Variants in RBMS3 observed in about 807,000 individuals in gnomAD.
RBMS3 encodes the protein RNA binding motif single stranded interacting protein 3, also known as RNA-binding motif, single-stranded-interacting protein 3.
In RBMS3, 27 loss-of-function variants were observed where a neutral mutation model predicts 66.8. The observed-to-expected ratio is 0.40, with a 90% CI of 0.30 to 0.56. RBMS3 has a LOEUF of 0.56. Ranked by LOEUF, RBMS3 falls within the 20% of genes least tolerant of loss-of-function variation. RBMS3 has a pLI of 0.40. For missense variants in RBMS3, 513 were observed against 549.5 expected, an observed-to-expected ratio of 0.93 and a Z score of 0.66; for synonymous variants, 188 against 183.0, an observed-to-expected ratio of 1.03 and a Z score of -0.22.
chr3:29,347,141 G>C (rs2036625718), intron 1 of RBMS3, among the ~76,000 whole-genome samples: 1 of 152,144 alleles, frequency 6.6e-6, no homozygotes, highest in African/African-American at 2.4e-5. Context: ...TGATGAGAGA[G>C]ACAAATAATG....
chr3:29,555,594 C>T lies in RBMS3; in HGVS notation c.308-31520C>T, dbSNP rs189291107. 2.6e-5 allele frequency among the ~76,000 whole-genome samples: 4 copies of T among 152,242 alleles called. No homozygotes were observed. The East Asian group carries it at 5.8e-4, about 22-fold the overall frequency. On this transcript the variant is annotated intron_variant, in intron 3 of 14. Coordinates refer to ENST00000383767, the MANE Select transcript of RBMS3 (RefSeq NM_001003793.3). ...TGTGAGAAAACAAGGTGCAAGAAATCAAGCCATCAAAATGCAAAATAGAAT... is the reference window on the plus strand; with the variant it reads ...TGTGAGAAAACAAGGTGCAAGAAATTAAGCCATCAAAATGCAAAATAGAAT...
At chr3:29,673,980 T>C (rs1017030145) in intron 4 of RBMS3, among the ~76,000 whole-genome samples, 13 of 152,206 alleles carry the variant, frequency 8.5e-5, no homozygotes, top group Admixed American at 4.6e-4. Context: ...ATATGCCTGA[T>C]GAACATCGAT....
intron 3 of RBMS3, among the ~76,000 whole-genome samples, chr3:29,567,698 C>T (rs994965142): frequency 2.0e-5 from 3 of 151,750 alleles, no homozygotes; most frequent in Non-Finnish European, 4.4e-5. Flanking sequence ...AATCAGCCCT[C>T]GTGCTTATCC....
chr3:29,281,708 A>G lies in RBMS3; in HGVS notation c.27A>G (p.Gln9=). 6.2e-7 allele frequency: 1 copy of G among 1,613,512 alleles called. No individual in the cohort carries two copies. Among genetic ancestry groups the G allele is most frequent in the Non-Finnish European group, 8.5e-7 (1 of 1,179,712 alleles). The change falls in exon 1 of 15, where the codon CAA becomes CAG. Residue 9 remains glutamine, a synonymous_variant. Coordinates refer to ENST00000383767, the MANE Select transcript of RBMS3 (RefSeq NM_001003793.3). Reference sequence around the variant, plus strand: ...TGGGCAAACGCCTGGATCAGCCACAAATGTACCCCCAGTACACTTACTACT... The same window carrying G: ...TGGGCAAACGCCTGGATCAGCCACAGATGTACCCCCAGTACACTTACTACT... MGKRLDQP[Q]MYPQYTYYYP... is the part of the protein sequence containing the mutation.
intron 3 of RBMS3, among the ~76,000 whole-genome samples, chr3:29,514,850 A>C (rs1467948670): frequency 1.3e-5 from 2 of 151,482 alleles, no homozygotes; most frequent in Non-Finnish European, 2.9e-5. Flanking sequence ...AATAGCTAAA[A>C]ATAATACCTA....
At chr3:29,382,047 T>C (rs1409055417) in intron 1 of RBMS3, among the ~76,000 whole-genome samples, 1 of 152,172 alleles carries the variant, frequency 6.6e-6, no homozygotes, top group Non-Finnish European at 1.5e-5. Context: ...TGAGTAAATA[T>C]TGTGAGTAGA....
At chr3:29,994,981 T>C (rs1459532322) in intron 14 of RBMS3, among the ~76,000 whole-genome samples, 6 of 152,256 alleles carry the variant, frequency 3.9e-5, no homozygotes, top group East Asian at 1.9e-4. Context: ...CTCTGAGCTA[T>C]GGGAGGACAT....
At chr3:29,558,152 T>A (rs1281653776) in intron 3 of RBMS3, among the ~76,000 whole-genome samples, 2 of 152,136 alleles carry the variant, frequency 1.3e-5, no homozygotes, top group African/African-American at 4.8e-5. Context: ...AATTCCTCCA[T>A]ATACATACAC....
At chr3:29,461,857 C>T (rs1003381322) in intron 2 of RBMS3, among the ~76,000 whole-genome samples, 1 of 151,202 alleles carries the variant, frequency 6.6e-6, no homozygotes, top group Non-Finnish European at 1.5e-5. Flanking sequence ...AGGTTCATGC[C>T]ATTCTCCTGC....
chr3:29,795,988 A>G (rs1021186757), intron 6 of RBMS3, among the ~76,000 whole-genome samples: 2 of 152,224 alleles, frequency 1.3e-5, no homozygotes, highest in Non-Finnish European at 2.9e-5. Flanking sequence ...ATTCTCTATG[A>G]TACAAGAACA....
intron 1 of RBMS3, among the ~76,000 whole-genome samples, chr3:29,426,906 TA>T (rs1454850623): frequency 6.6e-6 from 1 of 152,234 alleles, no homozygotes; most frequent in Non-Finnish European, 1.5e-5. Flanking sequence ...ACACATAATT[TA>T]TACATTTTAG....
At chr3:29,342,522 TATCTTTAAGA>T (rs2036334014) in intron 1 of RBMS3, among the ~76,000 whole-genome samples, 3 of 152,202 alleles carry the variant, frequency 2.0e-5, no homozygotes, top group Non-Finnish European at 4.4e-5. Context: ...ATTTTTATAG[TATCTTTAAGA>T]ATCACAGTAC....
In RBMS3 at chr3:29,928,199, T is replaced by TAC. The variant is rs1201815567; in HGVS notation, c.940-7886_940-7885insCA. ...CAAATTTTATATATATATATATATA[T>TAC]ATATATATATATACACACACACACA... On this transcript the variant is annotated intron_variant, in intron 10 of 14. Transcript: ENST00000383767. 1.0e-2 allele frequency among the ~76,000 whole-genome samples: 1,066 copies of TAC among 106,640 alleles called. 16 individuals are homozygous for TAC. The highest frequency in any genetic ancestry group is 0.034 in the African/African-American group (1,010 of 29,288). 70.0% of individuals were successfully genotyped at this position (106,640 alleles called of 152,430 possible).
intron 6 of RBMS3, among the ~76,000 whole-genome samples, chr3:29,812,522 G>A (rs999742242): frequency 2.0e-5 from 3 of 152,182 alleles, no homozygotes; most frequent in African/African-American, 7.2e-5. Context: ...CCAAAATCTA[G>A]AGGGTCAGGT....
intron 10 of RBMS3, among the ~76,000 whole-genome samples, chr3:29,928,219 C>T (rs1452939318): frequency 5.1e-4 from 71 of 139,746 alleles, no homozygotes; most frequent in African/African-American, 1.7e-3. Flanking sequence ...TATACACACA[C>T]ACACACACAC....
chr3:29,454,815 A>G (rs1306180528), intron 2 of RBMS3, among the ~76,000 whole-genome samples: 1 of 152,226 alleles, frequency 6.6e-6, no homozygotes. Flanking sequence ...AACAACCCTC[A>G]GGGCTATCTA....
At chr3:29,426,864 G>GGCTC (rs71295052) in intron 1 of RBMS3, among the ~76,000 whole-genome samples, 18,915 of 152,168 alleles carry the variant, frequency 0.12, 1,610 homozygotes, top group Admixed American at 0.28. Flanking sequence ...ACTGAATATT[G>GGCTC]GCTCTGTGCC....
chr3:29,960,601 G>A (rs1195342997), intron 12 of RBMS3, among the ~76,000 whole-genome samples: 1 of 152,176 alleles, frequency 6.6e-6, no homozygotes, highest in African/African-American at 2.4e-5. Context: ...CTCCATGAGA[G>A]TTCTCTGTCC....
intron 3 of RBMS3, among the ~76,000 whole-genome samples, chr3:29,574,359 T>C (rs2047042438): frequency 6.6e-6 from 1 of 152,170 alleles, no homozygotes; most frequent in Admixed American, 6.5e-5. Flanking sequence ...ATCCATTTTT[T>C]CTTATATAAG....
Sources: allele counts gnomAD v4.1 joint callset (sites outside exome capture counted in the v4.1 genomes callset), GRCh38; gene constraint gnomAD v4.1.1; transcripts MANE v1.5; gene names NCBI Gene and HGNC (gene_info 2026-07-23, HGNC 2026-07-21).